Variants in PIP5K1B observed in about 807,000 individuals in gnomAD.
PIP5K1B encodes the protein phosphatidylinositol-4-phosphate 5-kinase type 1 beta.
In PIP5K1B, 42 loss-of-function variants were observed where a neutral mutation model predicts 67.0. That is an observed-to-expected ratio of 0.63 (90% CI 0.49 to 0.81). The LOEUF is 0.81. PIP5K1B is among the 30% of genes least tolerant of loss of function. The pLI, the probability that PIP5K1B is intolerant of heterozygous loss-of-function variation, is 0.00. For synonymous variants in PIP5K1B, 214 were observed against 231.4 expected (o/e 0.92, Z 0.68); for missense variants, 459 against 646.3 (o/e 0.71, Z 3.14).
intron 2 of PIP5K1B, among the ~76,000 whole-genome samples, chr9:68,760,082 G>A (rs1830117219): frequency 6.6e-6 from 1 of 152,110 alleles, no homozygotes; most frequent in Admixed American, 6.6e-5. Context: ...AGGGCTAAAT[G>A]TATTAAATTT....
At chr9:68,869,255 C>G (rs1341541526) in intron 5 of PIP5K1B, among the ~76,000 whole-genome samples, 1 of 152,214 alleles carries the variant, frequency 6.6e-6, no homozygotes. Flanking sequence ...CGCCTCCTGT[C>G]AGATCACTGG....
At position 68,837,904 on chromosome 9, in the gene PIP5K1B, G is replaced by A. The variant is rs1014541889; in HGVS notation, c.69+15221G>A. Among the ~76,000 whole-genome samples, 6 of 151,818 alleles carry A rather than the reference G, an allele frequency of 4.0e-5. No homozygotes were observed. The South Asian group carries it at 6.2e-4, about 16-fold the overall frequency. On this transcript the variant is annotated intron_variant, in intron 4 of 15. Transcript: ENST00000265382. Reference sequence around the variant, plus strand: ...ATTAAATTAATGAATTCAGAAAGAAGCATCTTTAAACTTGTATTTTTCCTT... The same window carrying A: ...ATTAAATTAATGAATTCAGAAAGAAACATCTTTAAACTTGTATTTTTCCTT...
intron 14 of PIP5K1B, among the ~76,000 whole-genome samples, chr9:68,978,628 G>GCACT (rs1587751282): frequency 6.6e-6 from 1 of 152,198 alleles, no homozygotes; most frequent in Admixed American, 6.5e-5. Context: ...AATGAAGTAG[G>GCACT]CACTCAGTAT....
chr9:68,743,789 G>A lies in PIP5K1B; in HGVS notation c.-86+1132G>A, dbSNP rs114609432. Among the ~76,000 whole-genome samples the A allele has an allele frequency of 6.2e-3, 943 of 152,288 alleles. 10 individuals carry two copies. Among genetic ancestry groups the A allele is most frequent in the African/African-American group, 0.021 (889 of 41,536 alleles). ...GCTTTTCATGACACTAAGACAATGG[G>A]AGATTGAATGGGTGGAGTTAAAGAG... On this transcript the variant is annotated intron_variant, in intron 2 of 15. Transcript: ENST00000265382.
chr9:68,780,058 C>T, intron 2 of PIP5K1B: 1 of 1,403,186 alleles, frequency 7.1e-7, no homozygotes, highest in Non-Finnish European at 9.3e-7. Flanking sequence ...GGGGCCAGCC[C>T]GCTGACAGAT....
At chr9:68,781,584 GA>G (rs533599982) in intron 2 of PIP5K1B, 8 of 166,982 alleles carry the variant, frequency 4.8e-5, no homozygotes, top group African/African-American at 1.4e-4. Flanking sequence ...AAGTGGATGG[GA>G]GGGGGAATGA....
chr9:68,892,490 G>A (rs779049503), intron 7 of PIP5K1B, among the ~76,000 whole-genome samples: 3 of 152,194 alleles, frequency 2.0e-5, no homozygotes, highest in Non-Finnish European at 4.4e-5. Context: ...TCTACTTACT[G>A]TATTGACATG....
At chr9:68,857,361 G>C (rs1409124143) in intron 4 of PIP5K1B, among the ~76,000 whole-genome samples, 7 of 152,156 alleles carry the variant, frequency 4.6e-5, no homozygotes, top group Non-Finnish European at 8.8e-5. Flanking sequence ...GAGGAGGTTT[G>C]CCTACCCACA....
At chr9:68,722,873 C>T (rs1429779754) in intron 1 of PIP5K1B, among the ~76,000 whole-genome samples, 1 of 152,222 alleles carries the variant, frequency 6.6e-6, no homozygotes, top group Non-Finnish European at 1.5e-5. Flanking sequence ...AATTTCCCTA[C>T]TGTACTATAA....
chr9:68,885,735 T>C (rs1333519141), intron 6 of PIP5K1B, among the ~76,000 whole-genome samples: 1 of 152,158 alleles, frequency 6.6e-6, no homozygotes, highest in East Asian at 1.9e-4. Context: ...TTGGGTACAA[T>C]GTCCACTACT....
intron 2 of PIP5K1B, among the ~76,000 whole-genome samples, chr9:68,805,400 T>C (rs1832818265): frequency 6.6e-6 from 1 of 152,176 alleles, no homozygotes; most frequent in South Asian, 2.1e-4. Context: ...CTCCTTCTGG[T>C]GAGAGTAGCT....
At chr9:69,007,023 T>C (rs549952875) in intron 15 of PIP5K1B, among the ~76,000 whole-genome samples, 9 of 152,168 alleles carry the variant, frequency 5.9e-5, no homozygotes, top group Non-Finnish European at 4.4e-5. Flanking sequence ...CTATAGCTTA[T>C]AGCACCTTAC....
At chr9:68,918,993 T>C (rs1211135576) in intron 9 of PIP5K1B, among the ~76,000 whole-genome samples, 2 of 152,184 alleles carry the variant, frequency 1.3e-5, no homozygotes, top group African/African-American at 4.8e-5. Context: ...TAGAAAAGCA[T>C]ACCAGATATT....
At chr9:68,842,165 T>G (rs888410176) in intron 4 of PIP5K1B, among the ~76,000 whole-genome samples, 1 of 152,194 alleles carries the variant, frequency 6.6e-6, no homozygotes, top group Non-Finnish European at 1.5e-5. Context: ...CTGCCTGGTT[T>G]ACTCTTGAGA....
chr9:68,836,025 C>A (rs10869395), intron 4 of PIP5K1B, among the ~76,000 whole-genome samples: 12 of 151,694 alleles, frequency 7.9e-5, no homozygotes, highest in Admixed American at 1.3e-4. Context: ...TTTTTCTGGG[C>A]AGAAGCAAGT....
intron 15 of PIP5K1B, among the ~76,000 whole-genome samples, chr9:68,997,057 G>A (rs575258994): frequency 1.3e-5 from 2 of 152,164 alleles, no homozygotes; most frequent in Non-Finnish European, 2.9e-5. Context: ...GGAGATTAGC[G>A]CTCTGATGGG....
chr9:68,847,311 A>T (rs1822239441), intron 4 of PIP5K1B, among the ~76,000 whole-genome samples: 1 of 151,080 alleles, frequency 6.6e-6, no homozygotes, highest in Non-Finnish European at 1.5e-5. Flanking sequence ...TATGCCACTG[A>T]TATTTCCAGA....
At chr9:68,878,995 G>A (rs1824040779) in intron 6 of PIP5K1B, among the ~76,000 whole-genome samples, 1 of 152,040 alleles carries the variant, frequency 6.6e-6, no homozygotes, top group South Asian at 2.1e-4. Flanking sequence ...GGAGGGGAGA[G>A]TTTTTATCAG....
At chr9:68,952,430 C>A (rs1356093026) in intron 14 of PIP5K1B, among the ~76,000 whole-genome samples, 4 of 152,184 alleles carry the variant, frequency 2.6e-5, no homozygotes, top group Non-Finnish European at 5.9e-5. Flanking sequence ...ATTCTAGTAA[C>A]CTCTTGTCTG....
Sources: gnomAD v4.1 joint callset for allele counts (sites outside exome capture counted in the v4.1 genomes callset) on GRCh38, gnomAD v4.1.1 for gene constraint, MANE v1.5 for transcripts, NCBI Gene and HGNC (gene_info 2026-07-23, HGNC 2026-07-21) for gene names.